The following POF1B variants were observed in gnomAD, a reference collection of about 807,000 sequenced individuals.
The protein encoded by POF1B is POF1B actin binding protein, also known as protein POF1B.
POF1B carries 53 observed loss-of-function variants against 55.3 expected under a neutral mutation model. The observed-to-expected ratio is 0.96, with a 90% CI of 0.77 to 1.20. The LOEUF (loss-of-function observed/expected upper bound fraction) is 1.20, where lower values mean the gene tolerates loss of function less well. Among genes scored for constraint, POF1B ranks in the 50% most tolerant of loss-of-function variants. The pLI is 0.00. For synonymous variants in POF1B, 188 were observed against 148.3 expected, an observed-to-expected ratio of 1.27 and a Z score of -1.95; for missense variants, 478 against 420.5, an observed-to-expected ratio of 1.14 and a Z score of -1.20.
At chrX:85,299,164 T>C (rs1176327582) in intron 15 of POF1B, among the ~76,000 whole-genome samples, 5 of 108,091 alleles carry the variant, frequency 4.6e-5, no homozygotes, top group Non-Finnish European at 7.6e-5. Context: ...AACTATGCAA[T>C]AGAATTTTAA....
chrX:85,322,471 G>T (rs1418048355), intron 7 of POF1B, among the ~76,000 whole-genome samples: 1 of 111,509 alleles, frequency 9.0e-6, no homozygotes, highest in Non-Finnish European at 1.9e-5. Flanking sequence ...TTAAACATTA[G>T]ACCTAAAACC....
At chrX:85,373,371 CTTT>C (rs1445126885) in intron 2 of POF1B, among the ~76,000 whole-genome samples, 1 of 111,584 alleles carries the variant, frequency 9.0e-6, no homozygotes, top group African/African-American at 3.3e-5. Flanking sequence ...TGAATATTGT[CTTT>C]ATTTGTACAT....
intron 7 of POF1B, among the ~76,000 whole-genome samples, chrX:85,330,655 C>T (rs1032522863): frequency 1.4e-4 from 15 of 110,796 alleles, no homozygotes; most frequent in Admixed American, 1.4e-3. Flanking sequence ...GACATTTGCT[C>T]ATATCTGCCC....
chrX:85,365,319 A>T (rs976183423), intron 3 of POF1B, among the ~76,000 whole-genome samples: 7 of 112,100 alleles, frequency 6.2e-5, no homozygotes, highest in Non-Finnish European at 1.3e-4. Context: ...TTTGGAGGAC[A>T]TAAGCCACTC....
intron 7 of POF1B, among the ~76,000 whole-genome samples, chrX:85,319,362 C>T (rs1290018875): frequency 9.0e-6 from 1 of 111,188 alleles, no homozygotes; most frequent in African/African-American, 3.3e-5. Context: ...CCCTTTATTT[C>T]TTTCTCTTGC....
chrX:85,369,687 C>T (rs1339723757), intron 2 of POF1B, among the ~76,000 whole-genome samples: 2 of 111,195 alleles, frequency 1.8e-5, no homozygotes, highest in African/African-American at 6.5e-5. Flanking sequence ...ATATTGTTTC[C>T]AGGTTTCCAC....
chrX:85,360,726 T>C (rs1452269708), intron 3 of POF1B, among the ~76,000 whole-genome samples: 2 of 107,715 alleles, frequency 1.9e-5, no homozygotes, highest in Non-Finnish European at 1.9e-5. Flanking sequence ...TGCTGGGTTG[T>C]ATACCCAGTA....
At chrX:85,323,778 G>A (rs1438222502) in intron 7 of POF1B, among the ~76,000 whole-genome samples, 1 of 110,111 alleles carries the variant, frequency 9.1e-6, no homozygotes, top group African/African-American at 3.3e-5. Flanking sequence ...GTTTTCTCTT[G>A]TTTCTATAGT....
intron 6 of POF1B, among the ~76,000 whole-genome samples, chrX:85,334,702 T>A (rs1160380999): frequency 9.0e-6 from 1 of 111,369 alleles, no homozygotes; most frequent in Non-Finnish European, 1.9e-5. Flanking sequence ...CAAAAGGAAG[T>A]CATTTCTAAA....
At chrX:85,324,146 A>G (rs779107384) in intron 7 of POF1B, among the ~76,000 whole-genome samples, 2 of 111,836 alleles carry the variant, frequency 1.8e-5, no homozygotes, top group Admixed American at 1.9e-4. Context: ...TTTTGGGTCA[A>G]TTTTGGAATA....
At chrX:85,322,232 G>T (rs1321048431) in intron 7 of POF1B, among the ~76,000 whole-genome samples, 2 of 111,022 alleles carry the variant, frequency 1.8e-5, no homozygotes, top group Non-Finnish European at 1.9e-5. Flanking sequence ...CATGGTACCG[G>T]TACCAAAAGA....
intron 4 of POF1B, among the ~76,000 whole-genome samples, chrX:85,352,429 A>G (rs1163464269): frequency 9.0e-6 from 1 of 111,654 alleles, no homozygotes; most frequent in African/African-American, 3.2e-5. Context: ...GTCTGCTATT[A>G]TAAATACCCA....
intron 3 of POF1B, among the ~76,000 whole-genome samples, chrX:85,366,304 A>G (rs1208011552): frequency 9.0e-6 from 1 of 111,403 alleles, no homozygotes; most frequent in Non-Finnish European, 1.9e-5. Flanking sequence ...AAAAGCTCAT[A>G]ATATCATATA....
chrX:85,292,574 T>C (rs1302235828), intron 15 of POF1B, among the ~76,000 whole-genome samples: 4 of 111,525 alleles, frequency 3.6e-5, no homozygotes, highest in East Asian at 5.7e-4. Context: ...CTGGCCTTTT[T>C]GTTGTTGTTG....
intron 6 of POF1B, among the ~76,000 whole-genome samples, chrX:85,331,732 A>G (rs1932984230): frequency 9.0e-6 from 1 of 111,020 alleles, no homozygotes; most frequent in South Asian, 3.8e-4. Context: ...ATCTCTTCCT[A>G]TATTTTCTTC....
Position 85,355,901 on chromosome X carries a change from T to C in POF1B, c.438+3649A>G, listed in dbSNP as rs1346328977. Among the ~76,000 whole-genome samples, 6 of 111,497 alleles carry C rather than the reference T, an allele frequency of 5.4e-5. No homozygotes were observed. In the Admixed American group the frequency reaches 5.7e-4, roughly 11 times the overall value. On this transcript the variant is annotated intron_variant, in intron 4 of 16. Transcript: ENST00000262753. Reference sequence around the variant, plus strand: ...TCAACCATTGTGGAAGACAGTGTGGTGATTCCTCAGGGATCTAGAACTAGA... The same window carrying C: ...TCAACCATTGTGGAAGACAGTGTGGCGATTCCTCAGGGATCTAGAACTAGA...
At chrX:85,374,456 A>G (rs987033391) in intron 2 of POF1B, among the ~76,000 whole-genome samples, 9 of 112,454 alleles carry the variant, frequency 8.0e-5, no homozygotes, top group East Asian at 2.8e-4. Context: ...AGAATATTAC[A>G]TACGTAGTGC....
At chrX:85,361,652 G>T (rs1040769537) in intron 3 of POF1B, among the ~76,000 whole-genome samples, 12 of 111,427 alleles carry the variant, frequency 1.1e-4, no homozygotes, top group Non-Finnish European at 1.7e-4. Flanking sequence ...GATGTCTCCA[G>T]CTTTGTTCTT....
intron 2 of POF1B, among the ~76,000 whole-genome samples, chrX:85,371,209 A>G (rs1481639486): frequency 9.0e-6 from 1 of 111,511 alleles, no homozygotes; most frequent in Non-Finnish European, 1.9e-5. Flanking sequence ...GGTGTGGGCG[A>G]GTGTGGATTA....
Sources: gnomAD v4.1 joint callset for allele counts (sites outside exome capture counted in the v4.1 genomes callset) on GRCh38, gnomAD v4.1.1 for gene constraint, MANE v1.5 for transcripts, NCBI Gene and HGNC (gene_info 2026-07-23, HGNC 2026-07-21) for gene names.